The following NT5E variants were observed in gnomAD, a reference collection of about 807,000 sequenced individuals.
The protein encoded by NT5E is 5'-nucleotidase ecto, also known as 5'-nucleotidase.
In NT5E, 53 loss-of-function variants were observed where a neutral mutation model predicts 55.1. The observed-to-expected ratio is 0.96, with a 90% CI of 0.77 to 1.21. The LOEUF (loss-of-function observed/expected upper bound fraction) is 1.21, where lower values mean the gene tolerates loss of function less well. NT5E is among the 50% of genes most tolerant of loss of function. NT5E has a pLI of 0.00. For synonymous variants in NT5E, 270 were observed against 278.4 expected, an observed-to-expected ratio of 0.97 and a Z score of 0.30; for missense variants, 683 against 724.3, an observed-to-expected ratio of 0.94 and a Z score of 0.65.
intron 1 of NT5E, among the ~76,000 whole-genome samples, chr6:85,456,860 G>C (rs1029763688): frequency 6.6e-6 from 1 of 152,158 alleles, no homozygotes; most frequent in Non-Finnish European, 1.5e-5. Flanking sequence ...CTGTGGACTG[G>C]GAGCAGGTTA....
intron 7 of NT5E, 72 bp downstream of exon 7, chr6:85,490,729 C>T: frequency 6.4e-7 from 1 of 1,561,430 alleles, no homozygotes; most frequent in East Asian, 2.2e-5. Context: ...GCTCAGCTTC[C>T]CCTTCACCAA....
chr6:85,489,548 T>A lies in NT5E; in HGVS notation c.1159T>A (p.Cys387Ser). Residue 387 changes from cysteine to serine, a missense_variant, in exon 6 of 9, where the codon TGC becomes AGC. Coordinates refer to ENST00000257770, the MANE Select transcript of NT5E (RefSeq NM_002526.4). ...AATGTTCTGGAACCACGTATCCATG[T>A]GCATTTTAAATGGAGGTGGTATCCG... ...DEMFWNHVSM[C>S]ILNGGGIRSP... 4 of 1,614,006 alleles carry A rather than the reference T, an allele frequency of 2.5e-6. No homozygotes were observed. Among genetic ancestry groups the A allele is most frequent in the Non-Finnish European group, 3.4e-6 (4 of 1,179,952 alleles).
At chr6:85,466,590 A>C (rs947849107) in intron 1 of NT5E, among the ~76,000 whole-genome samples, 4 of 152,164 alleles carry the variant, frequency 2.6e-5, no homozygotes, top group African/African-American at 4.8e-5. Context: ...ATGACCTAGG[A>C]GGTGAAATGA....
chr6:85,485,145 ACT>A (rs1331675828), intron 3 of NT5E, 88 bp from the exon 4 acceptor site: 30 of 1,234,320 alleles, frequency 2.4e-5, no homozygotes, highest in Non-Finnish European at 3.4e-5. Context: ...TCAATTTAAA[ACT>A]CTGTCATCCA....
intron 3 of NT5E, among the ~76,000 whole-genome samples, chr6:85,477,173 C>T (rs1189080986): frequency 6.6e-6 from 1 of 152,118 alleles, no homozygotes; most frequent in Non-Finnish European, 1.5e-5. Context: ...TCTTTCCCTC[C>T]CAGTCCAGCA....
intron 7 of NT5E, 119 bp downstream of exon 7, chr6:85,490,776 C>T (rs1769766431): frequency 9.2e-7 from 1 of 1,086,076 alleles, no homozygotes; most frequent in South Asian, 1.3e-5. Flanking sequence ...TTTTTCCCGA[C>T]CCAACACCAA....
chr6:85,487,534 G>T lies in NT5E; in HGVS notation c.1104+45G>T, dbSNP rs1769694132. On this transcript the variant is annotated intron_variant, in intron 5 of 8. Transcript: ENST00000257770. ...GGACATATGCTAGGGAGGAAGGAAA[G>T]GAAGAGGGAAGAGGAAGGAAGGATG... is the stretch of plus-strand genomic sequence containing the variant. The T allele has an allele frequency of 2.5e-6, 4 of 1,604,702 alleles. No homozygotes were observed. The African/African-American group carries it at 4.0e-5, about 16-fold the overall frequency.
At chr6:85,471,583 T>C (rs1357731491) in intron 3 of NT5E, 158 bp downstream of exon 3, 4 of 371,594 alleles carry the variant, frequency 1.1e-5, no homozygotes, top group Non-Finnish European at 1.9e-5. Context: ...AATGGGAACA[T>C]GTGCAAATCT....
At chr6:85,471,574 A>C in intron 3 of NT5E, 149 bp downstream of exon 3, 1 of 407,510 alleles carries the variant, frequency 2.5e-6, no homozygotes, top group East Asian at 4.1e-5. Flanking sequence ...TATACATTAA[A>C]TGGGAACATG....
At chr6:85,458,867 A>G (rs1582369380) in intron 1 of NT5E, among the ~76,000 whole-genome samples, 1 of 152,172 alleles carries the variant, frequency 6.6e-6, no homozygotes, top group African/African-American at 2.4e-5. Flanking sequence ...TCATTCATAC[A>G]TTCTTTCAAC....
intron 2 of NT5E, among the ~76,000 whole-genome samples, chr6:85,467,654 T>G (rs943017552): frequency 6.6e-6 from 1 of 152,172 alleles, no homozygotes; most frequent in Non-Finnish European, 1.5e-5. Context: ...AGCCAGAGTT[T>G]TACCTCAATT....
At chr6:85,453,172 AAG>A (rs1327906277) in intron 1 of NT5E, among the ~76,000 whole-genome samples, 3 of 152,144 alleles carry the variant, frequency 2.0e-5, no homozygotes, top group African/African-American at 7.2e-5. Context: ...GTCTCAGTGG[AAG>A]GACTGTTGTC....
Position 85,493,894 on chromosome 6 carries a change from T to C in NT5E, c.1615T>C (p.Tyr539His), listed in dbSNP as rs751528025. 3 of 1,614,070 alleles carry C rather than the reference T, an allele frequency of 1.9e-6. No homozygotes were observed. In the South Asian group the frequency reaches 3.3e-5, roughly 18 times the overall value. ...STYISKMKVI[Y>H]PAVEGRIKFS... ...ATATATCTCCAAAATGAAAGTAATT[T>C]ATCCAGCAGTTGAAGGTCGGATCAA... The change falls in exon 9 of 9, where the codon TAT (tyrosine) becomes CAT (histidine). Residue 539 changes from tyrosine to histidine, a missense_variant. By Grantham distance (83) the Tyr-to-His change is moderately conservative. Transcript: ENST00000257770.
In NT5E at chr6:85,467,290, C is replaced by T. The variant is rs1206227737; in HGVS notation, c.562+8C>T. 1 of 1,610,018 alleles carries T rather than the reference C, an allele frequency of 6.2e-7. No homozygotes were observed. Among genetic ancestry groups the T allele is most frequent in the Non-Finnish European group, 8.5e-7 (1 of 1,176,440 alleles). On this transcript the variant is annotated splice_region_variant and intron_variant, in intron 2 of 8. Transcript: ENST00000257770. ...CTTTTCTCTCAAATCCAGGTATTTTCTACTTTTATAGCACTCAATGCTTGA... is the reference window on the plus strand; with the variant it reads ...CTTTTCTCTCAAATCCAGGTATTTTTTACTTTTATAGCACTCAATGCTTGA...
rs144579821 is a variant in NT5E at position 85,456,822 on chromosome 6, A to T, written c.339+6344A>T. ...GAGTAAACGTGGGGGTGAGACTGGG[A>T]TCAAGTCCCCTTCCTACCACTTAGA... On this transcript the variant is annotated intron_variant, in intron 1 of 8. Transcript: ENST00000257770. Among the ~76,000 whole-genome samples the T allele has an allele frequency of 1.3e-3, 196 of 152,298 alleles. 1 individual carries two copies. Among genetic ancestry groups the T allele is most frequent in the African/African-American group, 4.4e-3 (181 of 41,546 alleles).
chr6:85,472,366 A>T (rs1769332456), intron 3 of NT5E, among the ~76,000 whole-genome samples: 1 of 152,240 alleles, frequency 6.6e-6, no homozygotes, highest in Non-Finnish European at 1.5e-5. Context: ...ATTAAAAGGG[A>T]TTATCACTAA....
intron 3 of NT5E, among the ~76,000 whole-genome samples, chr6:85,477,008 A>G (rs537349730): frequency 1.3e-5 from 2 of 152,250 alleles, no homozygotes; most frequent in South Asian, 4.1e-4. Flanking sequence ...GGGTGGAGCC[A>G]TTGCCAGGGA....
intron 1 of NT5E, 87 bp from the exon 2 acceptor site, chr6:85,466,973 A>G: frequency 7.9e-7 from 1 of 1,259,880 alleles, no homozygotes. Flanking sequence ...AATATGTCTC[A>G]TAGAGCTTAG....
chr6:85,470,440 G>A (rs1425580811), intron 2 of NT5E, among the ~76,000 whole-genome samples: 12 of 152,230 alleles, frequency 7.9e-5, no homozygotes, highest in African/African-American at 2.6e-4. Flanking sequence ...TCTAATGCTG[G>A]CATTATTTAT....
Sources: gnomAD v4.1 joint callset for allele counts (sites outside exome capture counted in the v4.1 genomes callset) on GRCh38, gnomAD v4.1.1 for gene constraint, MANE v1.5 for transcripts, NCBI Gene and HGNC (gene_info 2026-07-23, HGNC 2026-07-21) for gene names.